SP110: variants seen among roughly 807,000 people sequenced by gnomAD.
The protein encoded by SP110 is SP110 nuclear body protein, also known as interferon-induced protein 41, 30kD.
In SP110, 62 loss-of-function variants were observed where a neutral mutation model predicts 92.7. The ratio of observed to expected loss-of-function variants is 0.67; its 90% CI spans 0.55 to 0.83. The LOEUF is 0.83. SP110 is among the 40% of genes least tolerant of loss of function. The pLI, the probability that SP110 is intolerant of heterozygous loss-of-function variation, is 0.00. For missense variants in SP110, 793 were observed against 863.9 expected, an observed-to-expected ratio of 0.92 and a Z score of 1.03; for synonymous variants, 273 against 305.3, an observed-to-expected ratio of 0.89 and a Z score of 1.10.
At chr2:230,175,760 C>T (rs939292925) in intron 14 of SP110, among the ~76,000 whole-genome samples, 2 of 152,100 alleles carry the variant, frequency 1.3e-5, no homozygotes, top group Non-Finnish European at 2.9e-5. Flanking sequence ...CCATTTCCAG[C>T]TGTAGGGATG....
chr2:230,168,814 T>G lies in SP110; in HGVS notation c.*310A>C. ...AGAGCCAAATGCAGTGTGTGGAACT[T>G]GTTTAGATCCTGATTTGAACAAATC... On this transcript the variant is annotated 3_prime_UTR_variant, in exon 19 of 19. Transcript: ENST00000258381. The G allele has an allele frequency of 3.5e-6, 1 of 286,404 alleles. No homozygotes were observed. Among genetic ancestry groups the G allele is most frequent in the South Asian group, 4.1e-5 (1 of 24,640 alleles). 17.7% of individuals were successfully genotyped at this position (286,404 alleles called of 1,614,324 possible). A position where few individuals can be genotyped will look rare whatever the true frequency, so the allele number is the denominator to read the frequency against.
intron 1 of SP110, among the ~76,000 whole-genome samples, chr2:230,225,311 G>A (rs1343958059): frequency 1.3e-5 from 2 of 152,212 alleles, no homozygotes; most frequent in African/African-American, 4.8e-5. Context: ...GGAGTGCTAA[G>A]AGCATCTCCC....
In SP110 at chr2:230,165,505, CAAAT is replaced by C. The variant is rs1490298630; in HGVS notation, c.*3615_*3618del. The stretch of plus-strand genomic sequence containing the variant: ...TTACTTTATATGACATAGGACATGA[CAAAT>C]AATTTACATAATGTGAAACTAACAA... On this transcript the variant is annotated 3_prime_UTR_variant, in exon 19 of 19. Coordinates refer to ENST00000258381, the MANE Select transcript of SP110 (RefSeq NM_080424.4). Among the ~76,000 whole-genome samples the C allele has an allele frequency of 1.3e-5, 2 of 151,988 alleles. No homozygotes were observed. Among genetic ancestry groups the C allele is most frequent in the African/African-American group, 4.8e-5 (2 of 41,358 alleles).
intron 10 of SP110, among the ~76,000 whole-genome samples, chr2:230,199,080 C>G (rs1438542407): frequency 6.6e-6 from 1 of 151,386 alleles, no homozygotes; most frequent in East Asian, 1.9e-4. Flanking sequence ...CAGGACCCTA[C>G]AGTGTATGAC....
At chr2:230,223,787 A>G (rs944789059), upstream of SP110, among the ~76,000 whole-genome samples, 5 of 152,208 alleles carry the variant, frequency 3.3e-5, no homozygotes, top group African/African-American at 1.2e-4. Context: ...CATTTCCCCA[A>G]TTCCAGGTGT....
At chr2:230,207,293 G>C (rs1166534248) in intron 8 of SP110, among the ~76,000 whole-genome samples, 2 of 152,116 alleles carry the variant, frequency 1.3e-5, no homozygotes, top group African/African-American at 4.8e-5. Flanking sequence ...CATTGCCTTT[G>C]GGTTTGTGTA....
chr2:230,199,779 T>C (rs927425995), intron 10 of SP110, among the ~76,000 whole-genome samples: 3 of 152,150 alleles, frequency 2.0e-5, no homozygotes, highest in Non-Finnish European at 4.4e-5. Context: ...TTGGAAGTAA[T>C]GAGAAAGTAA....
intron 10 of SP110, among the ~76,000 whole-genome samples, chr2:230,191,151 G>A (rs961277956): frequency 1.1e-4 from 16 of 152,136 alleles, no homozygotes; most frequent in Non-Finnish European, 1.8e-4. Context: ...GTGTTAAGAG[G>A]AAAACTTGTA....
intron 14 of SP110, among the ~76,000 whole-genome samples, chr2:230,175,924 T>C (rs1560526853): frequency 6.6e-6 from 1 of 151,426 alleles, no homozygotes; most frequent in Non-Finnish European, 1.5e-5. Flanking sequence ...CCTTTTCTTT[T>C]GCTTTTCATG....
chr2:230,189,166 A>C (rs2042495794), intron 10 of SP110, among the ~76,000 whole-genome samples: 1 of 151,470 alleles, frequency 6.6e-6, no homozygotes. Context: ...CTTTTTGTTT[A>C]ATTGATCTTT....
At position 230,172,923 on chromosome 2, in the gene SP110, C is replaced by G; in HGVS notation, c.1627G>C (p.Gly543Arg). The G allele has an allele frequency of 6.2e-7, 1 of 1,614,140 alleles. No homozygotes were observed. The highest frequency in any genetic ancestry group is 8.5e-7 in the Non-Finnish European group (1 of 1,179,978). Residue 543 changes from glycine (G) to arginine (R), a missense_variant, in exon 15 of 19, where the codon GGG (glycine) becomes CGG (arginine). Coordinates refer to ENST00000258381, the MANE Select transcript of SP110 (RefSeq NM_080424.4). ...NSDECEVCCQ[G>R]GQLLCCGTCP... ...GTACCGCAGCAGAGAAGTTGTCCCC[C>G]TTGACAGCACACCTCGCATTCATCC...
chr2:230,173,172 G>C (rs1408757320), intron 14 of SP110: 1 of 532,176 alleles, frequency 1.9e-6, no homozygotes, highest in Non-Finnish European at 3.5e-6. Flanking sequence ...CCGCCACCAG[G>C]ACTTTTCTTC....
intron 5 of SP110, 125 bp downstream of exon 5, chr2:230,212,222 T>A: frequency 2.7e-6 from 2 of 748,030 alleles, no homozygotes; most frequent in Non-Finnish European, 4.7e-6. Flanking sequence ...CCCTTCTGTT[T>A]CTTTTCCTTT....
At chr2:230,191,172 C>T (rs1212217998) in intron 10 of SP110, among the ~76,000 whole-genome samples, 1 of 152,032 alleles carries the variant, frequency 6.6e-6, no homozygotes. Flanking sequence ...GCACTAAATG[C>T]CCACATCAGG....
chr2:230,193,400 T>C (rs1488499926), intron 10 of SP110, among the ~76,000 whole-genome samples: 2 of 152,236 alleles, frequency 1.3e-5, no homozygotes, highest in Non-Finnish European at 2.9e-5. Context: ...ATCATGTTAA[T>C]TGTTACCTAC....
At chr2:230,212,237 T>G (rs995480616) in intron 5 of SP110, 110 bp downstream of exon 5, 3 of 797,834 alleles carry the variant, frequency 3.8e-6, no homozygotes, top group Admixed American at 3.9e-5. Flanking sequence ...TCCTTTGTAT[T>G]GCTCAGTTCT....
At chr2:230,213,079 T>TG in intron 3 of SP110, 52 bp from the exon 4 acceptor site, 1 of 1,587,562 alleles carries the variant, frequency 6.3e-7, no homozygotes, top group Non-Finnish European at 8.6e-7. Context: ...CAGAATTACT[T>TG]GGGGAAGGGG....
chr2:230,169,227 A>C lies in SP110; in HGVS notation c.2039T>G (p.Phe680Cys). ...CTCTAAGTCAAGTCCTACCTGGCCA[A>C]AGTCAGAAGCCTGAAAGAGAAAAAA... ...NHKTFYKASD[F>C]GQVGLDLEAE... Residue 680 changes from phenylalanine to cysteine, a missense_variant, in exon 19 of 19, where the codon TTT becomes TGT. Phe to Cys is a radical substitution (Grantham distance 205, BLOSUM62 -2). Transcript: ENST00000258381. The C allele has an allele frequency of 6.3e-7, 1 of 1,595,550 alleles. No homozygotes were observed. Among genetic ancestry groups the C allele is most frequent in the African/African-American group, 1.3e-5 (1 of 74,694 alleles).
intron 3 of SP110, among the ~76,000 whole-genome samples, chr2:230,214,390 G>A (rs1461136818): frequency 2.0e-5 from 3 of 152,126 alleles, no homozygotes; most frequent in Non-Finnish European, 4.4e-5. Flanking sequence ...GGTATTGGGA[G>A]ACCCAAGTAG....
Sources: gnomAD v4.1 joint callset for allele counts (sites outside exome capture counted in the v4.1 genomes callset) on GRCh38, gnomAD v4.1.1 for gene constraint, MANE v1.5 for transcripts, NCBI Gene and HGNC (gene_info 2026-07-23, HGNC 2026-07-21) for gene names.